Variants in NSUN6 observed in about 807,000 individuals in gnomAD.
NSUN6 encodes the protein tRNA (cytosine(72)-C(5))-methyltransferase NSUN6.
NSUN6 carries 64 observed loss-of-function variants against 58.0 expected under a neutral mutation model. The ratio of observed to expected loss-of-function variants is 1.10; its 90% CI spans 0.90 to 1.36. The LOEUF is 1.36. Ranked by LOEUF, NSUN6 falls within the 40% of genes most tolerant of loss-of-function variation. NSUN6 has a pLI of 0.00. For synonymous variants in NSUN6, 231 were observed against 193.9 expected (o/e 1.19, Z -1.59); for missense variants, 701 against 550.1 (o/e 1.27, Z -2.74).
chr10:18,618,549 G>A (rs1327042952), intron 3 of NSUN6, among the ~76,000 whole-genome samples: 1 of 151,908 alleles, frequency 6.6e-6, no homozygotes, highest in Non-Finnish European at 1.5e-5. Flanking sequence ...AGGCATGGTG[G>A]CGCATGCCTG....
chr10:18,612,528 A>G (rs2058273773), intron 5 of NSUN6, among the ~76,000 whole-genome samples: 1 of 152,134 alleles, frequency 6.6e-6, no homozygotes, highest in African/African-American at 2.4e-5. Flanking sequence ...TAGTCTGATC[A>G]CTCCATAATT....
chr10:18,571,858 C>T (rs1249752494), intron 8 of NSUN6, among the ~76,000 whole-genome samples: 1 of 150,860 alleles, frequency 6.6e-6, no homozygotes, highest in Non-Finnish European at 1.5e-5. Context: ...CATTCCATTA[C>T]ATTTTCCATT....
At chr10:18,559,160 G>GGAATGGAATGGAGAATA (rs2055286556) in intron 8 of NSUN6, among the ~76,000 whole-genome samples, 1 of 150,436 alleles carries the variant, frequency 6.6e-6, no homozygotes, top group Non-Finnish European at 1.5e-5. Context: ...AATGCAGAAT[G>GGAATGGAATGGAGAATA]GAATGGAATG....
At position 18,548,244 on chromosome 10, in the gene NSUN6, A is replaced by G. The variant is rs374842427; in HGVS notation, c.1072-7T>C. On this transcript the variant is annotated splice_region_variant and splice_polypyrimidine_tract_variant and intron_variant, in intron 9 of 10. Coordinates refer to ENST00000377304, the MANE Select transcript of NSUN6 (RefSeq NM_182543.5). ...GCTTCAGCAGCTGAACCGCCTAAAG[A>G]AAACTGTGATCAGACCACACACAGC... is the stretch of plus-strand genomic sequence containing the variant. 2.5e-6 allele frequency: 4 copies of G among 1,611,758 alleles called. No individual in the cohort carries two copies. Among genetic ancestry groups the G allele is most frequent in the Non-Finnish European group, 3.4e-6 (4 of 1,178,564 alleles).
chr10:18,659,084 C>A (rs138854366), upstream of NSUN6: 239 of 153,124 alleles, frequency 1.6e-3, 1 homozygote, highest in African/African-American at 5.6e-3. Flanking sequence ...GTCAGGGAAG[C>A]AGCTGCTAGC....
intron 8 of NSUN6, among the ~76,000 whole-genome samples, chr10:18,573,748 C>A (rs2056510260): frequency 6.6e-6 from 1 of 152,010 alleles, no homozygotes; most frequent in African/African-American, 2.4e-5. Context: ...ATGTAAAGCC[C>A]AAAGTTAAAT....
intron 5 of NSUN6, among the ~76,000 whole-genome samples, chr10:18,613,231 C>A (rs950424200): frequency 6.6e-6 from 1 of 151,988 alleles, no homozygotes; most frequent in South Asian, 2.1e-4. Flanking sequence ...TGAGTAGCTG[C>A]GATTACAAGC....
intron 9 of NSUN6, among the ~76,000 whole-genome samples, chr10:18,551,080 A>C (rs780163492): frequency 6.6e-6 from 1 of 152,146 alleles, no homozygotes; most frequent in Non-Finnish European, 1.5e-5. Context: ...AATTCTTTAC[A>C]TCAATTAGTA....
intron 8 of NSUN6, among the ~76,000 whole-genome samples, chr10:18,566,554 C>CTCCAT (rs1229347412): frequency 2.2e-5 from 3 of 135,770 alleles, no homozygotes; most frequent in Non-Finnish European, 3.5e-5. Context: ...CCATTCCATT[C>CTCCAT]TCCATTCCAT....
rs200820706 is a variant in NSUN6, at chr10:18,601,973, G to A, written c.658-5646C>T. 4.7e-5 allele frequency among the ~76,000 whole-genome samples: 7 copies of A among 150,400 alleles called. No homozygotes were observed. In the East Asian group the frequency reaches 9.9e-4, roughly 21 times the overall value. ...GGGTGACAGACTAACACTCTATCTC[G>A]GGGGAAAAAAAAAGGGAAATAAATC... On this transcript the variant is annotated intron_variant, in intron 6 of 10. Transcript: ENST00000377304.
chr10:18,547,829 C>A (rs775242246), intron 10 of NSUN6, among the ~76,000 whole-genome samples: 2 of 151,916 alleles, frequency 1.3e-5, no homozygotes, highest in Admixed American at 6.6e-5. Context: ...AAAAAAGGTG[C>A]CGAGTAACAT....
At chr10:18,627,714 A>T (rs754252252) in intron 3 of NSUN6, among the ~76,000 whole-genome samples, 28 of 152,196 alleles carry the variant, frequency 1.8e-4, no homozygotes, top group Non-Finnish European at 3.4e-4. Flanking sequence ...TGGCTTAAAA[A>T]CCGGAGCACC....
In NSUN6 at chr10:18,571,335, C is replaced by T. The variant is rs555339769; in HGVS notation, c.922+14614G>A. On this transcript the variant is annotated intron_variant, in intron 8 of 10. Coordinates refer to ENST00000377304, the MANE Select transcript of NSUN6 (RefSeq NM_182543.5). ...TCCCTTCTTTTCTCCATTCCATTCC[C>T]TTGCATTCTCCAGTGCATTCCACTC... is the stretch of plus-strand genomic sequence containing the variant. 3.5e-4 allele frequency among the ~76,000 whole-genome samples: 53 copies of T among 150,536 alleles called. 2 individuals carry two copies. In the East Asian group the frequency reaches 9.9e-3, roughly 28 times the overall value.
At chr10:18,642,302 A>G (rs1212050727) in intron 3 of NSUN6, among the ~76,000 whole-genome samples, 174 bp downstream of exon 3, 1 of 152,098 alleles carries the variant, frequency 6.6e-6, no homozygotes, top group African/African-American at 2.4e-5. Flanking sequence ...CTTCTTTTGT[A>G]TTATTTTCCA....
rs557425394 is a variant in NSUN6, at chr10:18,560,903, T to C, written c.923-8932A>G. Among the ~76,000 whole-genome samples the C allele has an allele frequency of 1.5e-3, 231 of 149,580 alleles. 2 individuals are homozygous for C. The highest frequency in any genetic ancestry group is 5.5e-3 in the African/African-American group (225 of 40,832). ...GAATGGAATGGAATGGAGGATGGTA[T>C]GGAGAATGGAATGGAATGGAGCATA... is the stretch of plus-strand genomic sequence containing the variant. On this transcript the variant is annotated intron_variant, in intron 8 of 10. Coordinates refer to ENST00000377304, the MANE Select transcript of NSUN6 (RefSeq NM_182543.5).
intron 7 of NSUN6, among the ~76,000 whole-genome samples, chr10:18,592,600 A>G (rs544468053): frequency 6.6e-6 from 1 of 152,356 alleles, no homozygotes. Context: ...AAACCTGACA[A>G]AAACAAGCAA....
chr10:18,652,196 GT>G, upstream of NSUN6: 1 of 984,956 alleles, frequency 1.0e-6, no homozygotes, highest in Non-Finnish European at 1.2e-6. Flanking sequence ...ATTCTTTAGA[GT>G]TTGGAAGACC....
In NSUN6 at chr10:18,609,625, G is replaced by C. The variant is rs757993172; in HGVS notation, c.657+220C>G. On this transcript the variant is annotated intron_variant, in intron 6 of 10. Transcript: ENST00000377304. ...TTTAATCAGTTATTAAATCACCTTT[G>C]GGCAAAGAAAGATAGAAAAAGTAGT... Among the ~76,000 whole-genome samples the C allele has an allele frequency of 1.7e-3, 257 of 152,050 alleles. 5 individuals are homozygous for C. Among genetic ancestry groups the C allele is most frequent in the Non-Finnish European group, 4.9e-4 (33 of 67,998 alleles).
intron 3 of NSUN6, among the ~76,000 whole-genome samples, chr10:18,630,848 T>C (rs1416585860): frequency 6.6e-6 from 1 of 152,088 alleles, no homozygotes; most frequent in African/African-American, 2.4e-5. Flanking sequence ...GTACCATTCC[T>C]TCTGAAACTA....
Sources: gnomAD v4.1 joint callset for allele counts (sites outside exome capture counted in the v4.1 genomes callset) on GRCh38, gnomAD v4.1.1 for gene constraint, MANE v1.5 for transcripts, NCBI Gene and HGNC (gene_info 2026-07-23, HGNC 2026-07-21) for gene names.